The following TMEM63B variants were observed in gnomAD, a reference collection of about 807,000 sequenced individuals.
TMEM63B encodes mechanosensitive cation channel TMEM63B.
Under a neutral mutation model 102.6 loss-of-function variants are expected in TMEM63B, and 23 were observed. That is an observed-to-expected ratio of 0.22 (90% CI 0.16 to 0.32). The LOEUF (loss-of-function observed/expected upper bound fraction) is 0.32. TMEM63B is among the 10% of genes least tolerant of loss of function. TMEM63B has a pLI of 1.00. For synonymous variants in TMEM63B, 444 were observed against 437.0 expected, an observed-to-expected ratio of 1.02 and a Z score of -0.20; for missense variants, 628 against 1,095.9, an observed-to-expected ratio of 0.57 and a Z score of 6.03.
At chr6:44,136,292 C>A in intron 4 of TMEM63B, 57 bp from the exon 5 acceptor site, 1 of 1,490,590 alleles carries the variant, frequency 6.7e-7, no homozygotes, top group Non-Finnish European at 9.4e-7. Flanking sequence ...CTCAGCCCAG[C>A]TTCCCGGGGG....
chr6:44,139,364 C>A, intron 6 of TMEM63B, 103 bp from the exon 7 acceptor site: 1 of 1,411,552 alleles, frequency 7.1e-7, no homozygotes, highest in South Asian at 1.3e-5. Flanking sequence ...TCAGCTGGAG[C>A]TAGGGTGGGT....
At chr6:44,149,266 G>A (rs1766074025) in intron 15 of TMEM63B, 2 of 430,318 alleles carry the variant, frequency 4.6e-6, no homozygotes, top group Non-Finnish European at 8.7e-6. Context: ...AACTAGATCA[G>A]TGGCTTTGGA....
At chr6:44,153,529 G>A in intron 20 of TMEM63B, 147 bp from the exon 21 acceptor site, 2 of 759,788 alleles carry the variant, frequency 2.6e-6, no homozygotes, top group East Asian at 5.6e-5. Context: ...ATCACGCTGG[G>A]GCACGGGGCA....
At chr6:44,141,668 C>T (rs1764291408) in intron 10 of TMEM63B, among the ~76,000 whole-genome samples, 1 of 152,174 alleles carries the variant, frequency 6.6e-6, no homozygotes, top group Admixed American at 6.5e-5. Context: ...GGGCGCAGCT[C>T]ATAGGGTGGG....
At position 44,147,510 on chromosome 6, in the gene TMEM63B, G is replaced by A. The variant is rs373639347; in HGVS notation, c.987+10G>A. 1.1e-5 allele frequency: 18 copies of A among 1,613,710 alleles called. No individual in the cohort carries two copies. The highest frequency in any genetic ancestry group is 3.3e-5 in the Admixed American group (2 of 59,986). ...GCGAGGCTGTGAGCAGGTATGACGC[G>A]GGCTGGCTGTTGAGTCGGGAGAAGT... On this transcript the variant is annotated intron_variant, in intron 12 of 23. Transcript: ENST00000323267.
chr6:44,139,902 A>G, intron 8 of TMEM63B, 143 bp downstream of exon 8: 2 of 1,033,526 alleles, frequency 1.9e-6, no homozygotes, highest in Admixed American at 1.9e-5. Context: ...TGGGTTGGAG[A>G]CAGAAGAGGG....
chr6:44,134,321 AG>A (rs1237160417), intron 1 of TMEM63B: 9 of 482,530 alleles, frequency 1.9e-5, no homozygotes, highest in African/African-American at 1.2e-4. Flanking sequence ...TCCCCAGTCC[AG>A]GCCTGGCATC....
intron 10 of TMEM63B, among the ~76,000 whole-genome samples, chr6:44,141,722 T>G (rs767912958): frequency 6.6e-6 from 1 of 152,192 alleles, no homozygotes; most frequent in African/African-American, 2.4e-5. Context: ...AGGGACAGTC[T>G]CTATACCACA....
intron 15 of TMEM63B, among the ~76,000 whole-genome samples, chr6:44,149,502 C>T (rs531837774): frequency 2.6e-5 from 4 of 152,298 alleles, no homozygotes; most frequent in Admixed American, 2.6e-4. Context: ...ATTCAAATCC[C>T]TACCTCATGG....
chr6:44,153,616 GAC>G (rs1767299618), intron 20 of TMEM63B, 58 bp from the exon 21 acceptor site: 3 of 1,569,344 alleles, frequency 1.9e-6, no homozygotes, highest in Non-Finnish European at 2.6e-6. Context: ...ACCTGTGACA[GAC>G]ACACAAAAGG....
chr6:44,141,417 T>G (rs1341394695), intron 10 of TMEM63B, among the ~76,000 whole-genome samples: 1 of 152,188 alleles, frequency 6.6e-6, no homozygotes, highest in African/African-American at 2.4e-5. Context: ...TCTTCAAAAT[T>G]AAAAGCAGCA....
intron 4 of TMEM63B, among the ~76,000 whole-genome samples, chr6:44,135,848 T>C (rs1178028028): frequency 6.6e-6 from 1 of 152,182 alleles, no homozygotes; most frequent in Non-Finnish European, 1.5e-5. Flanking sequence ...TCTATAGGAT[T>C]GGAGTTGGAG....
chr6:44,129,847 G>A (rs1777937645), intron 1 of TMEM63B, among the ~76,000 whole-genome samples: 2 of 152,058 alleles, frequency 1.3e-5, no homozygotes, highest in South Asian at 2.1e-4. Context: ...CTTTACATAA[G>A]TCATCTTGTT....
At chr6:44,139,396 G>A in intron 6 of TMEM63B, 71 bp from the exon 7 acceptor site, 2 of 1,581,866 alleles carry the variant, frequency 1.3e-6, no homozygotes, top group Non-Finnish European at 1.7e-6. Flanking sequence ...GTGGGTGAGG[G>A]CAGGCAAGTT....
At chr6:44,130,051 G>T (rs577190769) in intron 1 of TMEM63B, among the ~76,000 whole-genome samples, 1 of 152,218 alleles carries the variant, frequency 6.6e-6, no homozygotes, top group Non-Finnish European at 1.5e-5. Flanking sequence ...CAAACCCAAG[G>T]CCTGAGTGGA....
intron 10 of TMEM63B, among the ~76,000 whole-genome samples, chr6:44,146,179 T>G (rs4714758): frequency 0.5 from 76,282 of 151,960 alleles, 19,251 homozygotes; most frequent in Admixed American, 0.56. Context: ...GGTTAAGGAA[T>G]TATATAGCCT....
chr6:44,152,754 C>G lies in TMEM63B; in HGVS notation c.1942+56C>G. 4.2e-6 allele frequency: 6 copies of G among 1,441,086 alleles called. No individual in the cohort carries two copies. The highest frequency in any genetic ancestry group is 5.8e-6 in the Non-Finnish European group (6 of 1,038,108). The allele number at this position is 1,441,086 out of a possible 1,614,324, so 89.3% of individuals were successfully genotyped here. ...TGCTCGGGGGGACCCAGGACTTCAC[C>G]CTCTCCACTCTAGGAATGCAGGCCA... On this transcript the variant is annotated intron_variant, in intron 20 of 23. Coordinates refer to ENST00000323267, the MANE Select transcript of TMEM63B (RefSeq NM_018426.3). This position sits in a 1 kb window ranked among gnomAD's most constrained non-coding sequence, Gnocchi z 6.4.
chr6:44,147,058 G>A (rs905479246), intron 11 of TMEM63B, 131 bp downstream of exon 11: 2 of 1,051,600 alleles, frequency 1.9e-6, no homozygotes, highest in East Asian at 2.6e-5. Flanking sequence ...ACTCGTTGGT[G>A]TGCCTGTTAA....
intron 1 of TMEM63B, among the ~76,000 whole-genome samples, chr6:44,132,445 C>G (rs755515958): frequency 3.5e-4 from 54 of 152,128 alleles, no homozygotes; most frequent in Admixed American, 1.3e-4. Flanking sequence ...TCATTCTGAT[C>G]TGATGGAGCC....
Sources: allele counts gnomAD v4.1 joint callset (sites outside exome capture counted in the v4.1 genomes callset), GRCh38; gene constraint gnomAD v4.1.1; non-coding constraint Gnocchi (gnomAD v3.1); transcripts MANE v1.5; gene names NCBI Gene and HGNC (gene_info 2026-07-23, HGNC 2026-07-21).